Variants in SCUBE2 observed in about 807,000 individuals in gnomAD.
SCUBE2 encodes signal peptide, CUB and EGF-like domain-containing protein 2.
In SCUBE2, 114 loss-of-function variants were observed where a neutral mutation model predicts 125.9. The ratio of observed to expected loss-of-function variants is 0.91; its 90% CI spans 0.78 to 1.06. The LOEUF is 1.06. Ranked by LOEUF, SCUBE2 falls within the 50% of genes least tolerant of loss-of-function variation. The probability of loss-of-function intolerance (pLI) is 0.00; values close to 1 mark genes in which losing one functional copy is unlikely to be tolerated. For missense variants in SCUBE2, 1,255 were observed against 1,301.8 expected (o/e 0.96, Z 0.55); for synonymous variants, 459 against 492.9 (o/e 0.93, Z 0.91).
Position 9,027,544 on chromosome 11 carries a change from C to G in SCUBE2, c.2521G>C (p.Glu841Gln). 6.2e-7 allele frequency: 1 copy of G among 1,613,546 alleles called. No homozygotes were observed. Among genetic ancestry groups the G allele is most frequent in the South Asian group, 1.1e-5 (1 of 91,006 alleles). ...ATGTACCCAGTGAAATCTCCCAGCT[C>G]CCCTCCACATCTTCTGTCTGAAAAA... ...TQCKNRRCGG[E>Q]LGDFTGYIES... The change falls in exon 20 of 23, where the codon GAG (glutamate) becomes CAG (glutamine). Residue 841 changes from glutamate to glutamine, a missense_variant. Coordinates refer to ENST00000649792, the MANE Select transcript of SCUBE2 (RefSeq NM_001367977.2).
intron 13 of SCUBE2, among the ~76,000 whole-genome samples, chr11:9,051,800 T>C (rs1858446472): frequency 6.6e-6 from 1 of 152,252 alleles, no homozygotes; most frequent in African/African-American, 2.4e-5. Context: ...TAGTAATAAC[T>C]GCATAGCCAT....
In SCUBE2 at chr11:9,029,907, G is replaced by T. The variant is rs748569304; in HGVS notation, c.2480C>A (p.Ser827Tyr). 1.9e-6 allele frequency: 3 copies of T among 1,614,168 alleles called. No homozygotes were observed. The African/African-American group carries it at 4.0e-5, about 22-fold the overall frequency. Residue 827 changes from serine (S) to tyrosine (Y), a missense_variant, in exon 19 of 23, where the codon TCC (serine) becomes TAC (tyrosine). Around this residue, in one of 3 missense-constraint regions of SCUBE2, gnomAD observed 515 missense variants for 515.7 expected, o/e 1.00. Transcript: ENST00000649792. ...ACTTTTACACTGGGTTATGTTTGTG[G>T]AGCCATCAAAGTCAGTCGTAGTATT... is the stretch of plus-strand genomic sequence containing the variant. ...PGNTTTDFDG[S>Y]TNITQCKNRR...
rs752650702 is a variant in SCUBE2, at chr11:9,021,912, C to A, written c.2898G>T (p.Arg966Ser). The A allele has an allele frequency of 6.2e-7, 1 of 1,613,956 alleles. No homozygotes were observed. The highest frequency in any genetic ancestry group is 1.3e-5 in the African/African-American group (1 of 75,034). ...CCTGATGGTTCTCAGATGCATAGAGCCTGCCATCTCGAACTATGTCTTCAA... is the reference window on the plus strand; with the variant it reads ...CCTGATGGTTCTCAGATGCATAGAGACTGCCATCTCGAACTATGTCTTCAA... ...ELIEDIVRDG[R>S]LYASENHQEI... is the part of the protein sequence containing the mutation. The change falls in exon 22 of 23, where the codon AGG becomes AGT. Residue 966 changes from arginine to serine, a missense_variant. Coordinates refer to ENST00000649792, the MANE Select transcript of SCUBE2 (RefSeq NM_001367977.2).
intron 22 of SCUBE2, among the ~76,000 whole-genome samples, chr11:9,021,618 G>A (rs1393070871): frequency 6.6e-6 from 1 of 152,184 alleles, no homozygotes; most frequent in Admixed American, 6.5e-5. Flanking sequence ...TTTGCTGTTG[G>A]TTTGGATTTA....
chr11:9,066,638 A>C, intron 6 of SCUBE2, 59 bp downstream of exon 6: 1 of 1,321,764 alleles, frequency 7.6e-7, no homozygotes, highest in South Asian at 1.2e-5. Flanking sequence ...ATTAAGGGGT[A>C]GGGGTAGGGA....
In SCUBE2 at chr11:9,091,461, GGCAGCA is replaced by G. The variant is rs59844091; in HGVS notation, c.62_67del (p.Leu21_Leu22del). The G allele has an allele frequency of 2.5e-3, 3,045 of 1,214,262 alleles. 15 individuals carry two copies. The highest frequency in any genetic ancestry group is 0.019 in the African/African-American group (1,117 of 60,328). 75.2% of individuals were successfully genotyped at this position (1,214,262 alleles called of 1,614,324 possible). The stretch of plus-strand genomic sequence containing the variant: ...GGCCCCCGCCAGCAGCAGCAGTGGC[GGCAGCA>G]GCAGCAGCAGCAGCAGCACCGCCCA... On this transcript the variant is annotated inframe_deletion, in exon 1 of 23. Coordinates refer to ENST00000649792, the MANE Select transcript of SCUBE2 (RefSeq NM_001367977.2). This position sits in a 1 kb window ranked among gnomAD's most constrained non-coding sequence, Gnocchi z 8.5.
Position 9,066,794 on chromosome 11 carries a change from G to C in SCUBE2, c.663C>G (p.Asn221Lys). Residue 221 changes from asparagine (N) to lysine (K), a missense_variant, in exon 6 of 23, where the codon AAC (asparagine) becomes AAG (lysine). This residue lies in a region of SCUBE2 where 362 missense variants were observed against 323.0 expected (regional missense o/e 1.12). Transcript: ENST00000649792. The stretch of plus-strand genomic sequence containing the variant: ...CGTCACAGGAGTGCTGGCACCCACC[G>C]TTCCCATGGTTACAGGTCACTGACA... Reference protein sequence around the residue: ...RDCILTCNHGNGGCQHSCDDT... With the variant: ...RDCILTCNHGKGGCQHSCDDT... 1 of 1,614,064 alleles carries C rather than the reference G, an allele frequency of 6.2e-7. No individual in the cohort carries two copies. Among genetic ancestry groups the C allele is most frequent in the Non-Finnish European group, 8.5e-7 (1 of 1,179,946 alleles).
intron 16 of SCUBE2, among the ~76,000 whole-genome samples, chr11:9,044,183 T>G (rs540369082): frequency 1.5e-4 from 23 of 152,366 alleles, no homozygotes; most frequent in Admixed American, 2.6e-4. Context: ...TCCGCTATCA[T>G]GTTAGAGAGA....
At chr11:9,083,825 C>T (rs1227897052) in intron 2 of SCUBE2, among the ~76,000 whole-genome samples, 1 of 152,138 alleles carries the variant, frequency 6.6e-6, no homozygotes, top group African/African-American at 2.4e-5. Context: ...CAGACGTGAG[C>T]CACTGCATCC....
intron 1 of SCUBE2, among the ~76,000 whole-genome samples, 195 bp from the exon 2 acceptor site, chr11:9,090,024 A>T (rs1862501099): frequency 6.6e-6 from 1 of 152,004 alleles, no homozygotes; most frequent in Admixed American, 6.6e-5. Flanking sequence ...CTCTACGTGA[A>T]ATTACCCCCA....
rs780979292 is a variant in SCUBE2, at chr11:9,059,405, G to A, written c.988C>T (p.Arg330Cys). 1.1e-5 allele frequency: 17 copies of A among 1,614,024 alleles called. No homozygotes were observed. The highest frequency in any genetic ancestry group is 1.3e-5 in the African/African-American group (1 of 74,904). Residue 330 changes from arginine to cysteine, a missense_variant, in exon 9 of 23, where the codon CGC becomes TGC. Coordinates refer to ENST00000649792, the MANE Select transcript of SCUBE2 (RefSeq NM_001367977.2). ...CAGAAATGATCACAACCTCCATTGC[G>A]GGTCTGGCACTCATCAATATCTGCA... ...TCKDIDECQT[R>C]NGGCDHFCKN...
chr11:9,047,278 C>T, intron 16 of SCUBE2, 78 bp downstream of exon 16: 3 of 1,463,230 alleles, frequency 2.1e-6, no homozygotes, highest in Non-Finnish European at 2.9e-6. Context: ...GAGGATGGGC[C>T]AGACTTGCCT....
chr11:9,057,549 C>T (rs564867736), intron 9 of SCUBE2: 51 of 133,490 alleles, frequency 3.8e-4, no homozygotes, highest in Middle Eastern at 5.5e-3. Flanking sequence ...GATGGAGTCT[C>T]GCTCTATCCC....
At chr11:9,064,480 A>G (rs942514826) in intron 7 of SCUBE2, 1 of 151,464 alleles carries the variant, frequency 6.6e-6, no homozygotes, top group African/African-American at 2.4e-5. Context: ...AAAAAAAAAA[A>G]AAAGAAAAGA....
intron 16 of SCUBE2, among the ~76,000 whole-genome samples, chr11:9,037,088 C>G (rs1424672100): frequency 6.6e-6 from 1 of 152,212 alleles, no homozygotes; most frequent in Non-Finnish European, 1.5e-5. Flanking sequence ...TAAAAGGCAA[C>G]TCTGAAATAT....
Position 9,029,869 on chromosome 11 carries a change from T to C in SCUBE2, c.2503+15A>G. 1 of 1,614,040 alleles carries C rather than the reference T, an allele frequency of 6.2e-7. No individual in the cohort carries two copies. The highest frequency in any genetic ancestry group is 8.5e-7 in the Non-Finnish European group (1 of 1,179,946). ...TCTTAGCCAGAACTATGAAAAGCCT[T>C]AGAGAGGGACCTACTTTTACACTGG... On this transcript the variant is annotated intron_variant, in intron 19 of 22. Transcript: ENST00000649792.
intron 16 of SCUBE2, 32 bp from the exon 17 acceptor site, chr11:9,033,828 G>A (rs1368808226): frequency 6.2e-7 from 1 of 1,609,400 alleles, no homozygotes; most frequent in Non-Finnish European, 8.5e-7. Flanking sequence ...TGGTCAGTGT[G>A]GACACAAAGG....
chr11:9,035,780 C>A (rs967999691), intron 16 of SCUBE2, among the ~76,000 whole-genome samples: 1 of 151,948 alleles, frequency 6.6e-6, no homozygotes. Flanking sequence ...ATTATTTCTA[C>A]AATTCAATGT....
rs2135407085 is a variant in SCUBE2 at position 9,048,188 on chromosome 11, AC to A, written c.1640-91del. ...AGAGCTCAGTAAACATTTCATTAAA[AC>A]AACTCTCAAGGGACTAAGTGATTAT... On this transcript the variant is annotated intron_variant, in intron 14 of 22. Transcript: ENST00000649792. 2.0e-5 allele frequency: 26 copies of A among 1,319,800 alleles called. No homozygotes were observed. The South Asian group carries it at 3.5e-4, about 18-fold the overall frequency. The allele number at this position is 1,319,800 out of a possible 1,614,324, so 81.8% of individuals were successfully genotyped here. A position where few individuals can be genotyped will look rare whatever the true frequency, so the allele number is the denominator to read the frequency against.
Sources: gnomAD v4.1 joint callset for allele counts (sites outside exome capture counted in the v4.1 genomes callset) on GRCh38, gnomAD v4.1.1 for gene constraint, gnomAD v4.1.1 regional missense constraint, Gnocchi (gnomAD v3.1) non-coding constraint, MANE v1.5 for transcripts, NCBI Gene and HGNC (gene_info 2026-07-23, HGNC 2026-07-21) for gene names.